The following ADAMTSL1 variants were observed in gnomAD, a reference collection of about 807,000 sequenced individuals.
The protein encoded by ADAMTSL1 is ADAMTS like 1.
Under a neutral mutation model 201.8 loss-of-function variants are expected in ADAMTSL1, and 126 were observed. The observed-to-expected ratio is 0.62, with a 90% CI of 0.54 to 0.72. ADAMTSL1 has a LOEUF of 0.72. Ranked by LOEUF, ADAMTSL1 falls within the 30% of genes least tolerant of loss-of-function variation. ADAMTSL1 has a pLI of 0.00. For missense variants in ADAMTSL1, 2,679 were observed against 2,277.8 expected (o/e 1.18, Z -3.59); for synonymous variants, 1,121 against 903.4 (o/e 1.24, Z -4.32).
In ADAMTSL1 at chr9:18,905,698, C is replaced by T. The variant is rs969780278; in HGVS notation, c.4852-84C>T. On this transcript the variant is annotated intron_variant, in intron 26 of 28. Transcript: ENST00000380548. ...CCTCCAACAAGACCTACACAAGGAT[C>T]GTGCATGCCATGCAGCCCAAGCACG... is the stretch of plus-strand genomic sequence containing the variant. 102 of 1,010,008 alleles carry T rather than the reference C, an allele frequency of 1.0e-4. 1 individual carries two copies. The highest frequency in any genetic ancestry group is 1.3e-4 in the Non-Finnish European group (84 of 663,648). The allele number at this position is 1,010,008 out of a possible 1,614,324, so 62.6% of individuals were successfully genotyped here. A position where few individuals can be genotyped will look rare whatever the true frequency, so the allele number is the denominator to read the frequency against.
intron 19 of ADAMTSL1, among the ~76,000 whole-genome samples, chr9:18,789,091 T>C (rs1821876859): frequency 1.3e-5 from 2 of 152,218 alleles, no homozygotes; most frequent in African/African-American, 4.8e-5. Flanking sequence ...ACCCAATTTA[T>C]GTTTTTTCAT....
intron 13 of ADAMTSL1, among the ~76,000 whole-genome samples, chr9:18,690,766 C>T (rs1831163773): frequency 6.6e-6 from 1 of 152,236 alleles, no homozygotes; most frequent in South Asian, 2.1e-4. Context: ...ACTTCTCTCA[C>T]TTCCAACACC....
intron 15 of ADAMTSL1, among the ~76,000 whole-genome samples, chr9:18,736,577 C>A (rs1818511806): frequency 6.6e-6 from 1 of 152,156 alleles, no homozygotes; most frequent in Non-Finnish European, 1.5e-5. Context: ...CTCACCCTTG[C>A]ATACCTAACT....
intron 1 of ADAMTSL1, among the ~76,000 whole-genome samples, chr9:18,135,032 A>G (rs1159647136): frequency 6.6e-6 from 1 of 152,170 alleles, no homozygotes; most frequent in African/African-American, 2.4e-5. Context: ...CAATACTGCC[A>G]TTGCCTTTTC....
At chr9:17,913,770 G>A (rs561258513) in intron 1 of ADAMTSL1, among the ~76,000 whole-genome samples, 30 of 151,560 alleles carry the variant, frequency 2.0e-4, no homozygotes, top group South Asian at 6.2e-4. Context: ...TTGATAGACC[G>A]CTAGCGAGAC....
chr9:18,868,418 T>C lies in ADAMTSL1; in HGVS notation c.4250-19413T>C, dbSNP rs536216466. Among the ~76,000 whole-genome samples, 20 of 152,348 alleles carry C rather than the reference T, an allele frequency of 1.3e-4. No individual in the cohort carries two copies. The South Asian group carries it at 4.1e-3, about 32-fold the overall frequency. On this transcript the variant is annotated intron_variant, in intron 23 of 28. Transcript: ENST00000380548. ...TACATCAAATGTCTAGGTTTTGTTGTCTTCCTTTAAAGATTGTTGGGGTTT... is the reference window on the plus strand; with the variant it reads ...TACATCAAATGTCTAGGTTTTGTTGCCTTCCTTTAAAGATTGTTGGGGTTT...
intron 13 of ADAMTSL1, among the ~76,000 whole-genome samples, chr9:18,693,667 C>G (rs1338213560): frequency 2.0e-5 from 3 of 152,174 alleles, no homozygotes; most frequent in African/African-American, 7.2e-5. Context: ...AACTCTTATC[C>G]TTCTGTTTAT....
At chr9:18,826,142 A>C in intron 21 of ADAMTSL1, 142 bp from the exon 22 acceptor site, 1 of 952,080 alleles carries the variant, frequency 1.1e-6, no homozygotes, top group Non-Finnish European at 1.6e-6. Flanking sequence ...GACATTATTT[A>C]ATCTGGCCAA....
chr9:18,356,527 TAAAAAAA>T lies in ADAMTSL1; in HGVS notation c.208-148284_208-148278del, dbSNP rs1246388028. On this transcript the variant is annotated intron_variant, in intron 2 of 29. Coordinates refer to the ADAMTSL1 transcript ENST00000680146. The stretch of plus-strand genomic sequence containing the variant: ...GGGGGACACAGTGAGACCCTGTCTT[TAAAAAAA>T]AAAAAAAAAAAAAAAAAGGCTATCA... Among the ~76,000 whole-genome samples the T allele has an allele frequency of 5.5e-3, 439 of 79,462 alleles. 4 individuals carry two copies. Among genetic ancestry groups the T allele is most frequent in the African/African-American group, 0.021 (415 of 20,200 alleles). 52.1% of individuals were successfully genotyped at this position (79,462 alleles called of 152,430 possible).
In ADAMTSL1 at chr9:18,263,563, C is replaced by T. The variant is rs568879513; in HGVS notation, c.207+99582C>T. 1.2e-4 allele frequency among the ~76,000 whole-genome samples: 19 copies of T among 152,108 alleles called. 1 individual carries two copies. The highest frequency in any genetic ancestry group is 6.2e-4 in the South Asian group (3 of 4,824). On this transcript the variant is annotated intron_variant, in intron 2 of 29. Coordinates refer to the ADAMTSL1 transcript ENST00000680146. ...TGACATCCCCACATTCCAGCCTGAC[C>T]GCAAATTCCGAAGCCAAATTTTTAG...
intron 23 of ADAMTSL1, among the ~76,000 whole-genome samples, chr9:18,860,704 G>GA (rs950944472): frequency 2.9e-4 from 44 of 152,132 alleles, no homozygotes; most frequent in African/African-American, 7.7e-4. Flanking sequence ...ATTTTAAGGG[G>GA]AAAAAATCTC....
chr9:17,961,854 A>C (rs1755285), intron 1 of ADAMTSL1, among the ~76,000 whole-genome samples: 125,669 of 151,992 alleles, frequency 0.83, 52,215 homozygotes, highest in East Asian at 0.94. Flanking sequence ...CAGCTCTAGC[A>C]CCTCCTGAGA....
At chr9:18,697,118 G>A (rs1469101922) in intron 13 of ADAMTSL1, among the ~76,000 whole-genome samples, 3 of 151,814 alleles carry the variant, frequency 2.0e-5, no homozygotes, top group Non-Finnish European at 2.9e-5. Context: ...TCTTGACCTC[G>A]TGATCTGCCC....
intron 1 of ADAMTSL1, among the ~76,000 whole-genome samples, chr9:18,495,141 T>C (rs756175733): frequency 1.2e-4 from 19 of 152,198 alleles, no homozygotes; most frequent in Non-Finnish European, 1.5e-4. Context: ...ATAAATGATG[T>C]TGAGCAGTTA....
chr9:17,932,110 C>G (rs754888175), intron 1 of ADAMTSL1, among the ~76,000 whole-genome samples: 8 of 152,134 alleles, frequency 5.3e-5, no homozygotes, highest in South Asian at 2.1e-4. Context: ...GGTCTTCCCC[C>G]CAAGTAGAGG....
chr9:18,279,302 C>T (rs902593213), intron 2 of ADAMTSL1, among the ~76,000 whole-genome samples: 2 of 151,674 alleles, frequency 1.3e-5, no homozygotes, highest in Non-Finnish European at 2.9e-5. Flanking sequence ...ATGTTTTATT[C>T]ATATTTGGTT....
chr9:18,205,887 C>T (rs1008450359), intron 2 of ADAMTSL1, among the ~76,000 whole-genome samples: 16 of 151,730 alleles, frequency 1.1e-4, no homozygotes, highest in Non-Finnish European at 2.1e-4. Flanking sequence ...AACCCCATCT[C>T]TACTAAAAAT....
chr9:18,871,460 A>C (rs1006003963), intron 23 of ADAMTSL1, among the ~76,000 whole-genome samples: 2 of 152,010 alleles, frequency 1.3e-5, no homozygotes, highest in African/African-American at 4.8e-5. Context: ...TTTCGTCCTG[A>C]GGACTGATCT....
At chr9:18,870,144 T>A (rs747686209) in intron 23 of ADAMTSL1, among the ~76,000 whole-genome samples, 1 of 152,214 alleles carries the variant, frequency 6.6e-6, no homozygotes, top group South Asian at 2.1e-4. Flanking sequence ...TGTATTTTCA[T>A]GTCCTTAAAC....
Sources: gnomAD v4.1 joint callset for allele counts (sites outside exome capture counted in the v4.1 genomes callset) on GRCh38, gnomAD v4.1.1 for gene constraint, MANE v1.5 for transcripts, NCBI Gene and HGNC (gene_info 2026-07-23, HGNC 2026-07-21) for gene names.